Variants in ADAMTS2 observed in about 807,000 individuals in gnomAD.
ADAMTS2 encodes the protein ADAM metallopeptidase with thrombospondin type 1 motif 2.
ADAMTS2 carries 50 observed loss-of-function variants against 123.0 expected under a neutral mutation model. That is an observed-to-expected ratio of 0.41 (90% CI 0.32 to 0.51). The LOEUF is 0.51. ADAMTS2 is among the 20% of genes least tolerant of loss of function. The pLI is 0.35. For missense variants in ADAMTS2, 1,494 were observed against 1,705.2 expected, an observed-to-expected ratio of 0.88 and a Z score of 2.18; for synonymous variants, 678 against 695.4, an observed-to-expected ratio of 0.98 and a Z score of 0.39.
In ADAMTS2 at chr5:179,154,160, C is replaced by T. The variant is rs771811363; in HGVS notation, c.1271G>A (p.Arg424His). The T allele has an allele frequency of 8.9e-6, 14 of 1,571,394 alleles. No individual in the cohort carries two copies. The highest frequency in any genetic ancestry group is 2.7e-5 in the African/African-American group (2 of 74,408). ...GCCCAGCCGCACCTCGTCGCCACAG[C>T]GGTTGCCCTGCCCGTCGTGCTCCAT... ...LGMEHDGQGNRCGDEVRLGSI... is the reference protein window; with the variant it reads ...LGMEHDGQGNHCGDEVRLGSI... The change falls in exon 8 of 22, where the codon CGC becomes CAC. Residue 424 changes from arginine (R) to histidine (H), a missense_variant. Arg to His is a conservative substitution (Grantham distance 29). Around this residue, in one of 6 missense-constraint regions of ADAMTS2, gnomAD observed 953 missense variants for 1,124.7 expected, o/e 0.85. Coordinates refer to ENST00000251582, the MANE Select transcript of ADAMTS2 (RefSeq NM_014244.5).
chr5:179,190,207 G>A (rs1764274143), intron 4 of ADAMTS2, among the ~76,000 whole-genome samples: 1 of 152,150 alleles, frequency 6.6e-6, no homozygotes, highest in African/African-American at 2.4e-5. Context: ...AAGTGTTGGG[G>A]TGGTGAAAAT....
intron 4 of ADAMTS2, among the ~76,000 whole-genome samples, chr5:179,204,271 T>C (rs942984043): frequency 2.0e-5 from 3 of 152,236 alleles, no homozygotes; most frequent in African/African-American, 7.2e-5. Flanking sequence ...GTGGTGGCGA[T>C]GGTGGCCCAG....
intron 17 of ADAMTS2, among the ~76,000 whole-genome samples, chr5:179,126,448 C>T (rs1762861100): frequency 1.3e-5 from 2 of 152,250 alleles, no homozygotes; most frequent in African/African-American, 4.8e-5. Flanking sequence ...ACATGCCCAG[C>T]AGGCCTGGTG....
chr5:179,211,723 G>A (rs73329766), intron 3 of ADAMTS2, among the ~76,000 whole-genome samples: 16,312 of 152,248 alleles, frequency 0.11, 970 homozygotes, highest in South Asian at 0.19. Flanking sequence ...GTGGGTCACA[G>A]TAGCCACGGG....
intron 2 of ADAMTS2, among the ~76,000 whole-genome samples, chr5:179,298,698 G>A (rs905078288): frequency 7.9e-5 from 12 of 152,120 alleles, no homozygotes; most frequent in Non-Finnish European, 1.5e-4. Flanking sequence ...TTGAGGGGGA[G>A]GCATTCACAA....
At chr5:179,141,925 G>A (rs1170336000) in intron 10 of ADAMTS2, among the ~76,000 whole-genome samples, 1 of 152,068 alleles carries the variant, frequency 6.6e-6, no homozygotes, top group African/African-American at 2.4e-5. Context: ...TGCTTATAGG[G>A]TAGAGGTTCC....
Position 179,113,416 on chromosome 5 carries a change from C to T in ADAMTS2, c.*451G>A, listed in dbSNP as rs1463045043. 4 of 232,650 alleles carry T rather than the reference C, an allele frequency of 1.7e-5. No individual in the cohort carries two copies. Among genetic ancestry groups the T allele is most frequent in the East Asian group, 1.0e-4 (1 of 9,752 alleles). The allele number at this position is 232,650 out of a possible 1,614,324, so 14.4% of individuals were successfully genotyped here. On this transcript the variant is annotated 3_prime_UTR_variant, in exon 22 of 22. Coordinates refer to ENST00000251582, the MANE Select transcript of ADAMTS2 (RefSeq NM_014244.5). Reference sequence around the variant, plus strand: ...CACCTCCACTTCATTGTACTCATCTCGGCAACGGGTCAGTTATTCAGTAAA... The same window carrying T: ...CACCTCCACTTCATTGTACTCATCTTGGCAACGGGTCAGTTATTCAGTAAA...
Position 179,234,984 on chromosome 5 carries a change from C to T in ADAMTS2, c.689-27269G>A, listed in dbSNP as rs779800097. 1.4e-4 allele frequency among the ~76,000 whole-genome samples: 22 copies of T among 152,332 alleles called. No homozygotes were observed. Among genetic ancestry groups the T allele is most frequent in the Non-Finnish European group, 2.9e-4 (20 of 68,034 alleles). On this transcript the variant is annotated intron_variant, in intron 3 of 21. Transcript: ENST00000251582. The surrounding 1 kb of genome is among the most constrained non-coding windows in gnomAD (Gnocchi z 4.7). ...CCTCCCAGGGACCTGCTCATGTTCC[C>T]GCAACGCCCTTACAGCCATGGGTCC... is the stretch of plus-strand genomic sequence containing the variant.
chr5:179,259,084 C>T lies in ADAMTS2; in HGVS notation c.688+13827G>A, dbSNP rs139748586. 3.4e-3 allele frequency among the ~76,000 whole-genome samples: 520 copies of T among 152,282 alleles called. 8 individuals are homozygous for T. The highest frequency in any genetic ancestry group is 0.012 in the African/African-American group (487 of 41,540). ...AGACCATGCCACCTGCTGCATGGCA[C>T]AGCCCCTCCTCCACGACGGAGCCCA... On this transcript the variant is annotated intron_variant, in intron 3 of 21. Coordinates refer to ENST00000251582, the MANE Select transcript of ADAMTS2 (RefSeq NM_014244.5).
chr5:179,238,355 C>T (rs927054543), intron 3 of ADAMTS2, among the ~76,000 whole-genome samples: 11 of 152,132 alleles, frequency 7.2e-5, no homozygotes, highest in Non-Finnish European at 1.5e-4. Flanking sequence ...CCGTGGGAGT[C>T]ACCGCAGCTC....
chr5:179,177,561 T>G (rs1281494552), intron 5 of ADAMTS2, among the ~76,000 whole-genome samples: 1 of 152,228 alleles, frequency 6.6e-6, no homozygotes. Flanking sequence ...CCTCCATGGT[T>G]ATGGGACTTA....
Position 179,132,137 on chromosome 5 carries a change from C to CG in ADAMTS2, c.2290+92dup, listed in dbSNP as rs35111439. 1 of 1,288,776 alleles carries CG rather than the reference C, an allele frequency of 7.8e-7. No individual in the cohort carries two copies. Among genetic ancestry groups the CG allele is most frequent in the Admixed American group, 1.9e-5 (1 of 53,812 alleles). The allele number at this position is 1,288,776 out of a possible 1,614,324, so 79.8% of individuals were successfully genotyped here. On this transcript the variant is annotated intron_variant, in intron 15 of 21. Transcript: ENST00000251582. This position sits in a 1 kb window ranked among gnomAD's most constrained non-coding sequence, Gnocchi z 6.1. ...TGGCTCAGGTCATGGCTGCACAACC[C>CG]GGGCCCCTGACCCCTGACCCCTGGC...
chr5:179,296,337 G>A (rs1468906689), intron 2 of ADAMTS2, among the ~76,000 whole-genome samples: 2 of 152,216 alleles, frequency 1.3e-5, no homozygotes, highest in Non-Finnish European at 2.9e-5. Context: ...TGTGCTCGGA[G>A]GAGGGGGAGG....
chr5:179,125,948 T>A, intron 18 of ADAMTS2, 50 bp downstream of exon 18: 4 of 1,611,312 alleles, frequency 2.5e-6, no homozygotes, highest in Non-Finnish European at 3.4e-6. Flanking sequence ...GAGCCCCTGG[T>A]GGCCCCTGGC....
intron 3 of ADAMTS2, among the ~76,000 whole-genome samples, chr5:179,238,477 G>A (rs1048674560): frequency 7.9e-5 from 12 of 152,148 alleles, no homozygotes; most frequent in South Asian, 2.1e-4. Context: ...CAGGGTCTGC[G>A]AGTGCCAGGG....
Position 179,111,899 on chromosome 5 carries a change from G to T in ADAMTS2, c.*1968C>A, listed in dbSNP as rs1326414353. 1 of 152,282 alleles carries T rather than the reference G, an allele frequency of 6.6e-6. No individual in the cohort carries two copies. Among genetic ancestry groups the T allele is most frequent in the African/African-American group, 2.4e-5 (1 of 41,472 alleles). The allele number at this position is 152,282 out of a possible 1,614,324, so 9.4% of individuals were successfully genotyped here. ...CTCTAAACCACATCTTCTTAAGGAA[G>T]GGGTACTATGAGAGATACTCAGAAA... is the stretch of plus-strand genomic sequence containing the variant. On this transcript the variant is annotated 3_prime_UTR_variant, in exon 22 of 22. Coordinates refer to ENST00000251582, the MANE Select transcript of ADAMTS2 (RefSeq NM_014244.5).
In ADAMTS2 at chr5:179,128,145, G is replaced by C. The variant is rs1245948888; in HGVS notation, c.2458-27C>G. 1 of 1,610,952 alleles carries C rather than the reference G, an allele frequency of 6.2e-7. No homozygotes were observed. The highest frequency in any genetic ancestry group is 1.7e-5 in the Admixed American group (1 of 59,984). The stretch of plus-strand genomic sequence containing the variant: ...TGTGCCAGCCCAAGAGCCTTGATGT[G>C]CCTGACCTGCCCTCCATGCTTCCTC... On this transcript the variant is annotated intron_variant, in intron 16 of 21. Transcript: ENST00000251582. This position sits in a 1 kb window ranked among gnomAD's most constrained non-coding sequence, Gnocchi z 4.9.
At chr5:179,157,659 C>T (rs1019738475) in intron 6 of ADAMTS2, among the ~76,000 whole-genome samples, 5 of 152,090 alleles carry the variant, frequency 3.3e-5, no homozygotes, top group Non-Finnish European at 5.9e-5. Flanking sequence ...GCATCCACCA[C>T]CATGCCCAGC....
intron 3 of ADAMTS2, among the ~76,000 whole-genome samples, chr5:179,271,791 G>T (rs893000501): frequency 2.4e-4 from 36 of 152,340 alleles, no homozygotes; most frequent in African/African-American, 8.2e-4. Context: ...GAAATTAGAA[G>T]TATGCCTGCC....
Sources: gnomAD v4.1 joint callset for allele counts (sites outside exome capture counted in the v4.1 genomes callset) on GRCh38, gnomAD v4.1.1 for gene constraint, gnomAD v4.1.1 regional missense constraint, Gnocchi (gnomAD v3.1) non-coding constraint, MANE v1.5 for transcripts, NCBI Gene and HGNC (gene_info 2026-07-23, HGNC 2026-07-21) for gene names.